The following PCDH15 variants were observed in gnomAD, a reference collection of about 807,000 sequenced individuals.
PCDH15 encodes protocadherin-15.
In PCDH15, 129 loss-of-function variants were observed where a neutral mutation model predicts 178.5. That is an observed-to-expected ratio of 0.72 (90% confidence interval 0.63 to 0.84). PCDH15 has a LOEUF of 0.84. Among genes scored for constraint, PCDH15 ranks in the 40% least tolerant of loss-of-function variants. The probability of loss-of-function intolerance (pLI) is 0.00; values close to 1 mark genes in which losing one functional copy is unlikely to be tolerated. For missense variants in PCDH15, 2,230 were observed against 2,099.9 expected (o/e 1.06, Z -1.21); for synonymous variants, 800 against 732.0 (o/e 1.09, Z -1.50).
chr10:55,242,501 A>G (rs1841572473), intron 1 of PCDH15, among the ~76,000 whole-genome samples: 1 of 152,146 alleles, frequency 6.6e-6, no homozygotes, highest in South Asian at 2.1e-4. Context: ...GTAAATATAT[A>G]GTTTTTGTGT....
intron 2 of PCDH15, among the ~76,000 whole-genome samples, chr10:55,519,850 T>C (rs1841116167): frequency 6.6e-6 from 1 of 151,206 alleles, no homozygotes; most frequent in African/African-American, 2.4e-5. Context: ...CCTAAGCATA[T>C]GATGTATATT....
chr10:54,329,324 C>G (rs1463774010), intron 7 of PCDH15, among the ~76,000 whole-genome samples: 1 of 151,754 alleles, frequency 6.6e-6, no homozygotes, highest in Non-Finnish European at 1.5e-5. Flanking sequence ...TTGCAGGATC[C>G]TACTTTGAAA....
At chr10:54,084,195 C>G (rs1413723484) in intron 16 of PCDH15, among the ~76,000 whole-genome samples, 1 of 151,864 alleles carries the variant, frequency 6.6e-6, no homozygotes, top group East Asian at 2.0e-4. Flanking sequence ...AAGCGATTCT[C>G]CTGCCTCAGC....
intron 8 of PCDH15, among the ~76,000 whole-genome samples, chr10:54,296,978 C>T (rs1168884704): frequency 6.6e-6 from 1 of 151,982 alleles, no homozygotes; most frequent in Non-Finnish European, 1.5e-5. Flanking sequence ...TCCGACCTTC[C>T]TCATTCCTCC....
At chr10:53,850,566 T>A (rs926573143) in intron 28 of PCDH15, among the ~76,000 whole-genome samples, 2 of 152,110 alleles carry the variant, frequency 1.3e-5, no homozygotes, top group Non-Finnish European at 2.9e-5. Context: ...ACACTTAACC[T>A]TTTTTTAAAG....
chr10:54,057,789 C>T (rs574464597), intron 18 of PCDH15, among the ~76,000 whole-genome samples: 1 of 152,304 alleles, frequency 6.6e-6, no homozygotes, highest in Non-Finnish European at 1.5e-5. Context: ...GCAAATTTCT[C>T]CAACTTTTAT....
intron 1 of PCDH15, among the ~76,000 whole-genome samples, chr10:54,673,328 G>T (rs1292778790): frequency 3.3e-5 from 5 of 151,938 alleles, no homozygotes; most frequent in Non-Finnish European, 7.4e-5. Context: ...GCGGTGCTTG[G>T]TTTTTCTGTT....
intron 9 of PCDH15, among the ~76,000 whole-genome samples, chr10:54,227,687 T>G (rs565936285): frequency 6.6e-6 from 1 of 152,340 alleles, no homozygotes; most frequent in African/African-American, 2.4e-5. Flanking sequence ...GCTGTAAATA[T>G]TCTGAACTTT....
At chr10:54,804,692 A>T (rs943397821), upstream of PCDH15, among the ~76,000 whole-genome samples, 1 of 151,582 alleles carries the variant, frequency 6.6e-6, no homozygotes, top group Non-Finnish European at 1.5e-5. Context: ...ATAAAAAAGT[A>T]TTTTTTACAT....
At chr10:53,922,911 C>A (rs1157811800) in intron 25 of PCDH15, among the ~76,000 whole-genome samples, 1 of 151,950 alleles carries the variant, frequency 6.6e-6, no homozygotes, top group Non-Finnish European at 1.5e-5. Flanking sequence ...CACGGTGGAA[C>A]CCCATCTCTA....
intron 36 of PCDH15, 71 bp from the exon 37 acceptor site, chr10:53,810,735 T>C: frequency 3.0e-6 from 4 of 1,328,348 alleles, no homozygotes; most frequent in Non-Finnish European, 4.3e-6. Context: ...GAGTGATCTG[T>C]TTCCTTCTTT....
chr10:54,773,045 A>C (rs1467185393), intron 1 of PCDH15, among the ~76,000 whole-genome samples: 9 of 152,034 alleles, frequency 5.9e-5, no homozygotes, highest in Admixed American at 5.9e-4. Context: ...GTGGGAGCTG[A>C]ATTATGAGAA....
intron 8 of PCDH15, among the ~76,000 whole-genome samples, chr10:54,287,365 C>T (rs2059094730): frequency 6.6e-6 from 1 of 152,130 alleles, no homozygotes; most frequent in African/African-American, 2.4e-5. Context: ...GTTTATAGTA[C>T]ATGAAGACAG....
rs370882786 is a variant in PCDH15 at position 55,242,786 on chromosome 10, G to A, written c.-155-76135C>T. On this transcript the variant is annotated intron_variant, in intron 1 of 5. Transcript: ENST00000458638. Reference sequence around the variant, plus strand: ...GGATCATCTGTGCCCAGGAGGTTGAGCCGTGATCCCACCACTGCACTCCAG... The same window carrying A: ...GGATCATCTGTGCCCAGGAGGTTGAACCGTGATCCCACCACTGCACTCCAG... 9.2e-5 allele frequency among the ~76,000 whole-genome samples: 14 copies of A among 152,292 alleles called. No homozygotes were observed. The East Asian group carries it at 2.3e-3, about 25-fold the overall frequency.
intron 2 of PCDH15, among the ~76,000 whole-genome samples, chr10:55,159,971 A>T (rs914123483): frequency 6.6e-6 from 1 of 151,848 alleles, no homozygotes; most frequent in African/African-American, 2.4e-5. Flanking sequence ...CTCATAAAAC[A>T]CTTAAACATT....
intron 2 of PCDH15, among the ~76,000 whole-genome samples, chr10:55,128,446 C>T (rs578043075): frequency 1.3e-5 from 2 of 152,166 alleles, no homozygotes; most frequent in South Asian, 4.1e-4. Context: ...AGGCTCCCTA[C>T]TTAACCTCAT....
chr10:54,408,925 T>TC (rs1721991360), intron 3 of PCDH15, among the ~76,000 whole-genome samples: 1 of 152,126 alleles, frequency 6.6e-6, no homozygotes. Context: ...CTTGGCTATG[T>TC]CCCCACTAAA....
At chr10:54,063,762 G>T (rs2094079463) in intron 18 of PCDH15, among the ~76,000 whole-genome samples, 2 of 152,140 alleles carry the variant, frequency 1.3e-5, no homozygotes, top group Non-Finnish European at 2.9e-5. Flanking sequence ...GCAGGGTCTT[G>T]TCACTGTGCA....
chr10:53,850,960 A>C (rs1226887207), intron 28 of PCDH15, among the ~76,000 whole-genome samples: 1 of 152,246 alleles, frequency 6.6e-6, no homozygotes, highest in African/African-American at 2.4e-5. Flanking sequence ...CTAACTAAGG[A>C]CTTTCCATCT....
Sources: allele counts gnomAD v4.1 joint callset (sites outside exome capture counted in the v4.1 genomes callset), GRCh38; gene constraint gnomAD v4.1.1; transcripts MANE v1.5; gene names NCBI Gene and HGNC (gene_info 2026-07-23, HGNC 2026-07-21).